The following RTN4RL2 variants were observed in gnomAD, a reference collection of about 807,000 sequenced individuals.
The protein encoded by RTN4RL2 is reticulon-4 receptor-like 2.
A neutral mutation model predicts 27.8 loss-of-function variants in RTN4RL2; 9 were observed. The observed-to-expected ratio is 0.32, with a 90% CI of 0.20 to 0.57. RTN4RL2 has a LOEUF of 0.57. Ranked by LOEUF, RTN4RL2 falls within the 20% of genes least tolerant of loss-of-function variation. The pLI is 0.90. For missense variants in RTN4RL2, 436 were observed against 596.8 expected, an observed-to-expected ratio of 0.73 and a Z score of 2.81; for synonymous variants, 285 against 297.9, an observed-to-expected ratio of 0.96 and a Z score of 0.45.
In RTN4RL2 at chr11:57,476,760, G is replaced by C. The variant is rs754257868; in HGVS notation, c.1112G>C (p.Trp371Ser). Residue 371 changes from tryptophan to serine, a missense_variant, in exon 3 of 3, where the codon TGG (tryptophan) becomes TCG (serine). Transcript: ENST00000335099. The surrounding 1 kb of genome is among the most constrained non-coding windows in gnomAD (Gnocchi z 8.2). The stretch of plus-strand genomic sequence containing the variant: ...GACGCGCCTACTGAGGACGACTACT[G>C]GGGGGGCTACGGGGGTGAGGACCAG... ...GGDAPTEDDY[W>S]GGYGGEDQRG... 5.4e-6 allele frequency: 8 copies of C among 1,468,844 alleles called. No homozygotes were observed. The highest frequency in any genetic ancestry group is 7.2e-6 in the Non-Finnish European group (8 of 1,117,076). 91.0% of individuals were successfully genotyped at this position (1,468,844 alleles called of 1,614,324 possible).
In RTN4RL2 at chr11:57,460,911, G is replaced by T; in HGVS notation, c.31+15G>T. 7.2e-7 allele frequency: 1 copy of T among 1,387,242 alleles called. No individual in the cohort carries two copies. Among genetic ancestry groups the T allele is most frequent in the Non-Finnish European group, 9.5e-7 (1 of 1,053,802 alleles). The allele number at this position is 1,387,242 out of a possible 1,614,324, so 85.9% of individuals were successfully genotyped here. On this transcript the variant is annotated intron_variant, in intron 1 of 2. Transcript: ENST00000335099. ...CCTGCTGCAAGGTAAGAACGCCAGCGGCGGGAGAGCGGAGGGCATCCTGGG... is the reference window on the plus strand; with the variant it reads ...CCTGCTGCAAGGTAAGAACGCCAGCTGCGGGAGAGCGGAGGGCATCCTGGG...
chr11:57,461,983 G>C (rs1490950537), intron 1 of RTN4RL2, among the ~76,000 whole-genome samples: 1 of 151,976 alleles, frequency 6.6e-6, no homozygotes, highest in Non-Finnish European at 1.5e-5. Context: ...CATTCCCAAA[G>C]CGCCTGCCTG....
In RTN4RL2 at chr11:57,468,008, G is replaced by A. The variant is rs1259965380; in HGVS notation, c.431G>A (p.Ser144Asn). 2 of 1,603,282 alleles carry A rather than the reference G, an allele frequency of 1.2e-6. No homozygotes were observed. The highest frequency in any genetic ancestry group is 2.2e-5 in the South Asian group (2 of 91,070). The part of the protein sequence containing the change: ...QSLHLYRCQL[S>N]SLPGNIFRGL... ...CTGCATTTGTACCGCTGCCAGCTCA[G>A]CAGCCTGCCCGGCAACATCTTCCGA... The change falls in exon 2 of 3, where the codon AGC (serine) becomes AAC (asparagine). Residue 144 changes from serine (S) to asparagine (N), a missense_variant. By Grantham distance (46) the Ser-to-Asn change is conservative. Transcript: ENST00000335099.
At position 57,467,481 on chromosome 11, in the gene RTN4RL2, T is replaced by C. The variant is rs538988934; in HGVS notation, c.32-128T>C. On this transcript the variant is annotated intron_variant, in intron 1 of 2. Coordinates refer to ENST00000335099, the MANE Select transcript of RTN4RL2 (RefSeq NM_178570.3). This position sits in a 1 kb window ranked among gnomAD's most constrained non-coding sequence, Gnocchi z 5.5. ...CTCCTGCCTTGGCCTCCCAAAGTGC[T>C]GGGATTACAGGTGTGAGCCACCATA... is the stretch of plus-strand genomic sequence containing the variant. 1.5e-3 allele frequency: 2,287 copies of C among 1,479,692 alleles called. 10 individuals carry two copies. Among genetic ancestry groups the C allele is most frequent in the Non-Finnish European group, 1.4e-3 (1,569 of 1,113,628 alleles). 91.7% of individuals were successfully genotyped at this position (1,479,692 alleles called of 1,614,324 possible).
chr11:57,463,644 G>A (rs1289583792), intron 1 of RTN4RL2, among the ~76,000 whole-genome samples: 1 of 152,068 alleles, frequency 6.6e-6, no homozygotes, highest in Non-Finnish European at 1.5e-5. Context: ...TCTCCACCGG[G>A]AATTCACAAA....
At position 57,476,840 on chromosome 11, in the gene RTN4RL2, G is replaced by T. The variant is rs751693219; in HGVS notation, c.1192G>T (p.Gly398Cys). 1 of 1,569,942 alleles carries T rather than the reference G, an allele frequency of 6.4e-7. No homozygotes were observed. The highest frequency in any genetic ancestry group is 8.6e-7 in the Non-Finnish European group (1 of 1,163,554). The change falls in exon 3 of 3, where the codon GGC becomes TGC. Residue 398 changes from glycine (G) to cysteine (C), a missense_variant. By Grantham distance (159) the Gly-to-Cys change is radical. Around this residue, in one of 3 missense-constraint regions of RTN4RL2, gnomAD observed 60 missense variants for 43.0 expected, o/e 1.40. Transcript: ENST00000335099. The surrounding 1 kb of genome is among the most constrained non-coding windows in gnomAD (Gnocchi z 8.2). ...AACQAPPDSR[G>C]PALSAGLPSP... The stretch of plus-strand genomic sequence containing the variant: ...CTGCCAGGCGCCCCCGGACTCCCGA[G>T]GCCCTGCGCTCTCGGCCGGGCTCCC...
At chr11:57,460,982 G>A (rs1026481391) in intron 1 of RTN4RL2, 86 bp downstream of exon 1, 2 of 767,384 alleles carry the variant, frequency 2.6e-6, no homozygotes, top group Non-Finnish European at 3.8e-6. Context: ...GGGTGGGGCA[G>A]TTGGGGAGGT....
chr11:57,468,141 G>T, intron 2 of RTN4RL2, 51 bp downstream of exon 2: 12 of 1,535,784 alleles, frequency 7.8e-6, no homozygotes, highest in Non-Finnish European at 1.0e-5. Context: ...TCCTCTCTCT[G>T]TGGGCCCCTC....
intron 2 of RTN4RL2, among the ~76,000 whole-genome samples, chr11:57,471,889 C>T (rs1410336264): frequency 2.0e-5 from 3 of 151,844 alleles, no homozygotes; most frequent in Non-Finnish European, 2.9e-5. Context: ...GACGAAGTCT[C>T]GCTCTCTTGC....
At position 57,467,618 on chromosome 11, in the gene RTN4RL2, C is replaced by T. The variant is rs752358481; in HGVS notation, c.41C>T (p.Ser14Leu). Residue 14 changes from serine to leucine, a missense_variant, in exon 2 of 3, where the codon TCG becomes TTG. Physicochemically the swap from Ser to Leu is moderately radical, Grantham distance 145. Coordinates refer to ENST00000335099, the MANE Select transcript of RTN4RL2 (RefSeq NM_178570.3). The surrounding 1 kb of genome is among the most constrained non-coding windows in gnomAD (Gnocchi z 5.5). The stretch of plus-strand genomic sequence containing the variant: ...CTTCCCCTCCCCACAGCTCCCGCCT[C>T]GGCCTGCCTCCTGCTGATGCTCCTG... ...GLRRLLQAPA[S>L]ACLLLMLLAL... The T allele has an allele frequency of 1.5e-4, 239 of 1,605,908 alleles. No homozygotes were observed. In the East Asian group the frequency reaches 2.3e-3, roughly 15 times the overall value.
At chr11:57,474,713 G>T (rs543746714) in intron 2 of RTN4RL2, among the ~76,000 whole-genome samples, 10 of 152,232 alleles carry the variant, frequency 6.6e-5, no homozygotes, top group Non-Finnish European at 1.5e-5. Context: ...TGGGCTGATG[G>T]GTGCCAAGGC....
At chr11:57,468,928 C>A in intron 2 of RTN4RL2, 1 of 753,846 alleles carries the variant, frequency 1.3e-6, no homozygotes, top group South Asian at 1.5e-5. Flanking sequence ...TCATCCCACT[C>A]CATTTCCCCA....
intron 1 of RTN4RL2, among the ~76,000 whole-genome samples, chr11:57,463,526 C>G (rs1943499175): frequency 6.6e-6 from 1 of 152,036 alleles, no homozygotes; most frequent in South Asian, 2.1e-4. Flanking sequence ...ACTCACACTT[C>G]CCCTCCCCAG....
chr11:57,469,184 T>C (rs1229412707), intron 2 of RTN4RL2, among the ~76,000 whole-genome samples: 1 of 152,162 alleles, frequency 6.6e-6, no homozygotes, highest in African/African-American at 2.4e-5. Flanking sequence ...ACAAACATAC[T>C]GAGCACCCAC....
At position 57,477,046 on chromosome 11, in the gene RTN4RL2, CG is replaced by C; in HGVS notation, c.*139del. On this transcript the variant is annotated 3_prime_UTR_variant, in exon 3 of 3. Transcript: ENST00000335099. Reference sequence around the variant, plus strand: ...TTCCCCTCCCAGCTCCTCTCCTCCCCGGGGAGCAGGCCGCCTCTCCTTGCCT... The same window carrying C: ...TTCCCCTCCCAGCTCCTCTCCTCCCCGGGAGCAGGCCGCCTCTCCTTGCCT... The C allele has an allele frequency of 1.1e-6, 1 of 901,278 alleles. No homozygotes were observed. The highest frequency in any genetic ancestry group is 1.6e-6 in the Non-Finnish European group (1 of 632,588). 55.8% of individuals were successfully genotyped at this position (901,278 alleles called of 1,614,324 possible).
intron 2 of RTN4RL2, among the ~76,000 whole-genome samples, chr11:57,472,690 T>C (rs1408440471): frequency 1.3e-5 from 2 of 152,134 alleles, no homozygotes; most frequent in Non-Finnish European, 2.9e-5. Context: ...GTTGTGAGGA[T>C]TAAAGGAGAT....
chr11:57,468,842 G>A, intron 2 of RTN4RL2: 4 of 1,012,354 alleles, frequency 4.0e-6, no homozygotes, highest in Non-Finnish European at 6.0e-6. Context: ...AGGAATACCA[G>A]TAATTGTTAT....
In RTN4RL2 at chr11:57,468,094, A is replaced by G. The variant is rs1201273640; in HGVS notation, c.513+4A>G. The G allele has an allele frequency of 6.3e-7, 1 of 1,583,994 alleles. No homozygotes were observed. Among genetic ancestry groups the G allele is most frequent in the South Asian group, 1.1e-5 (1 of 89,106 alleles). ...GAACAGCCTGCTCCACCTACAGGTG[A>G]GCCTGCCCTGCCCCCACCCTCAGCC... On this transcript the variant is annotated splice_donor_region_variant and intron_variant, in intron 2 of 2. Coordinates refer to ENST00000335099, the MANE Select transcript of RTN4RL2 (RefSeq NM_178570.3).
intron 1 of RTN4RL2, among the ~76,000 whole-genome samples, chr11:57,462,277 G>A (rs935093374): frequency 1.3e-5 from 2 of 152,010 alleles, no homozygotes; most frequent in African/African-American, 4.8e-5. Context: ...TCCGTCACCC[G>A]CGTCAGTGCC....
Sources: allele counts gnomAD v4.1 joint callset (sites outside exome capture counted in the v4.1 genomes callset), GRCh38; gene constraint gnomAD v4.1.1; regional missense constraint gnomAD v4.1.1; non-coding constraint Gnocchi (gnomAD v3.1); transcripts MANE v1.5; gene names NCBI Gene and HGNC (gene_info 2026-07-23, HGNC 2026-07-21).